The following XKR4 variants were observed in gnomAD, a reference collection of about 807,000 sequenced individuals.
XKR4 encodes the protein XK-related protein 4.
In XKR4, 12 loss-of-function variants were observed where a neutral mutation model predicts 53.9. The ratio of observed to expected loss-of-function variants is 0.22; its 90% confidence interval spans 0.14 to 0.36. The LOEUF is 0.36. Among genes scored for constraint, XKR4 ranks in the 10% least tolerant of loss-of-function variants. The pLI is 1.00. For synonymous variants in XKR4, 354 were observed against 362.4 expected, an observed-to-expected ratio of 0.98 and a Z score of 0.26; for missense variants, 799 against 859.5, an observed-to-expected ratio of 0.93 and a Z score of 0.88.
intron 1 of XKR4, among the ~76,000 whole-genome samples, chr8:55,169,334 G>A (rs1231476833): frequency 6.6e-6 from 1 of 152,228 alleles, no homozygotes; most frequent in Non-Finnish European, 1.5e-5. Context: ...AGGGAGGAAG[G>A]TGGGAAGGGC....
At chr8:55,470,857 C>A (rs930097024) in intron 2 of XKR4, among the ~76,000 whole-genome samples, 6 of 152,094 alleles carry the variant, frequency 3.9e-5, no homozygotes, top group Non-Finnish European at 8.8e-5. Flanking sequence ...TCACCTAAAG[C>A]AACATGGCTA....
In XKR4 at chr8:55,195,205, C is replaced by A. The variant is rs1412637116; in HGVS notation, c.806+91911C>A. Among the ~76,000 whole-genome samples the A allele has an allele frequency of 2.0e-5, 2 of 99,330 alleles. 1 individual carries two copies. The highest frequency in any genetic ancestry group is 6.8e-5 in the African/African-American group (2 of 29,584). The allele number at this position is 99,330 out of a possible 152,430, so 65.2% of individuals were successfully genotyped here. On this transcript the variant is annotated intron_variant, in intron 1 of 2. Coordinates refer to ENST00000327381, the MANE Select transcript of XKR4 (RefSeq NM_052898.2). The stretch of plus-strand genomic sequence containing the variant: ...AGCAGTATCTATCTCATATTAGATT[C>A]ATTTACCATCAGATTTTACTATTAA...
At chr8:55,302,931 G>C (rs1819225592) in intron 1 of XKR4, among the ~76,000 whole-genome samples, 1 of 152,186 alleles carries the variant, frequency 6.6e-6, no homozygotes, top group Admixed American at 6.5e-5. Context: ...ATACAATCAT[G>C]CCATCTGCAA....
At chr8:55,517,478 T>C (rs898740982) in intron 2 of XKR4, 3 of 152,058 alleles carry the variant, frequency 2.0e-5, no homozygotes, top group African/African-American at 7.3e-5. Context: ...TTAGGACCAA[T>C]GCAGGGTGTT....
chr8:55,193,033 T>C (rs1817464073), intron 1 of XKR4, among the ~76,000 whole-genome samples: 1 of 151,968 alleles, frequency 6.6e-6, no homozygotes, highest in Non-Finnish European at 1.5e-5. Flanking sequence ...CCTTTCCTCT[T>C]TGTGAGATGA....
At chr8:55,177,624 T>C (rs1042327932) in intron 1 of XKR4, among the ~76,000 whole-genome samples, 17 of 152,196 alleles carry the variant, frequency 1.1e-4, no homozygotes, top group Non-Finnish European at 2.5e-4. Flanking sequence ...GACATACTCC[T>C]GCTGGGAGGA....
intron 1 of XKR4, among the ~76,000 whole-genome samples, chr8:55,148,382 G>T (rs890132837): frequency 6.6e-6 from 1 of 151,884 alleles, no homozygotes; most frequent in Admixed American, 6.6e-5. Context: ...TCCAGTGTGG[G>T]TAACAGAGGA....
At chr8:55,362,410 G>A (rs2129384906) in intron 2 of XKR4, among the ~76,000 whole-genome samples, 1 of 152,322 alleles carries the variant, frequency 6.6e-6, no homozygotes, top group African/African-American at 2.4e-5. Context: ...AGAGACCGAA[G>A]CTTGAGTCCA....
At chr8:55,431,332 A>G (rs1442683941) in intron 2 of XKR4, among the ~76,000 whole-genome samples, 1 of 152,232 alleles carries the variant, frequency 6.6e-6, no homozygotes, top group Non-Finnish European at 1.5e-5. Flanking sequence ...CCAAAACATC[A>G]TTAGGCTGTA....
At chr8:55,232,510 T>A (rs190730060) in intron 1 of XKR4, among the ~76,000 whole-genome samples, 3 of 152,340 alleles carry the variant, frequency 2.0e-5, no homozygotes, top group African/African-American at 7.2e-5. Context: ...AAAATTGTGG[T>A]CAGTTTCCTG....
chr8:55,335,924 G>A (rs1053510330), intron 1 of XKR4, among the ~76,000 whole-genome samples: 2 of 151,796 alleles, frequency 1.3e-5, no homozygotes, highest in African/African-American at 2.4e-5. Flanking sequence ...TGTTGGTGGT[G>A]GTTAGAACCA....
intron 1 of XKR4, among the ~76,000 whole-genome samples, chr8:55,127,047 G>A (rs1467156526): frequency 1.3e-5 from 2 of 152,150 alleles, no homozygotes; most frequent in East Asian, 3.8e-4. Flanking sequence ...CATAGCAAGT[G>A]ATGAGTCCTG....
At chr8:55,164,341 C>G (rs1271612606) in intron 1 of XKR4, 4 of 455,648 alleles carry the variant, frequency 8.8e-6, no homozygotes, top group Non-Finnish European at 1.8e-5. Context: ...GAGATGACCC[C>G]TGAGTAGAAA....
intron 2 of XKR4, among the ~76,000 whole-genome samples, chr8:55,434,807 A>G (rs912797713): frequency 5.3e-5 from 8 of 152,156 alleles, no homozygotes; most frequent in African/African-American, 1.7e-4. Context: ...TCCTTCACAC[A>G]GTTACACTGT....
At position 55,468,135 on chromosome 8, in the gene XKR4, A is replaced by G. The variant is rs868630891; in HGVS notation, c.1007-55146A>G. 7.9e-5 allele frequency among the ~76,000 whole-genome samples: 12 copies of G among 152,104 alleles called. 1 individual carries two copies. The highest frequency in any genetic ancestry group is 3.9e-4 in the Admixed American group (6 of 15,264). ...ATAGAGTGGGAAATCTTGTACAAAG[A>G]TGTTTCTCATAATGCATTGCCCATC... On this transcript the variant is annotated intron_variant, in intron 2 of 2. Coordinates refer to ENST00000327381, the MANE Select transcript of XKR4 (RefSeq NM_052898.2).
intron 1 of XKR4, among the ~76,000 whole-genome samples, chr8:55,141,651 C>CTCTCTCTCTA (rs1281075548): frequency 1.4e-5 from 2 of 144,792 alleles, no homozygotes; most frequent in African/African-American, 5.2e-5. Flanking sequence ...CTGCTTCTCT[C>CTCTCTCTCTA]TCTCTCTCTC....
intron 1 of XKR4, among the ~76,000 whole-genome samples, chr8:55,263,957 C>G (rs1444194406): frequency 3.3e-5 from 5 of 152,166 alleles, no homozygotes; most frequent in Admixed American, 1.3e-4. Flanking sequence ...GCCAAGGGAG[C>G]CTCCATACGT....
At chr8:55,517,860 T>A (rs1024559046) in intron 2 of XKR4, 2 of 152,232 alleles carry the variant, frequency 1.3e-5, no homozygotes, top group African/African-American at 4.8e-5. Context: ...TGTTGTTTTA[T>A]TCTCTCTGCT....
At chr8:55,248,250 CTAA>C (rs1371178086) in intron 1 of XKR4, among the ~76,000 whole-genome samples, 2 of 152,184 alleles carry the variant, frequency 1.3e-5, no homozygotes, top group Admixed American at 6.5e-5. Context: ...AACCCAGTTT[CTAA>C]TAATATTTTT....
Sources: allele counts gnomAD v4.1 joint callset (sites outside exome capture counted in the v4.1 genomes callset), GRCh38; gene constraint gnomAD v4.1.1; transcripts MANE v1.5; gene names NCBI Gene and HGNC (gene_info 2026-07-23, HGNC 2026-07-21).